The following MOB1B variants were observed in gnomAD, a reference collection of about 807,000 sequenced individuals.
The protein encoded by MOB1B is MOB1 Mps One Binder homolog B.
A neutral mutation model predicts 24.4 loss-of-function variants in MOB1B; 19 were observed. The observed-to-expected ratio is 0.78, with a 90% CI of 0.54 to 1.14. MOB1B has a LOEUF of 1.14. MOB1B is among the 50% of genes most tolerant of loss of function. MOB1B has a pLI of 0.00. For missense variants in MOB1B, 243 were observed against 259.6 expected, an observed-to-expected ratio of 0.94 and a Z score of 0.44; for synonymous variants, 76 against 82.1, an observed-to-expected ratio of 0.93 and a Z score of 0.40.
At chr4:70,934,678 A>T (rs1440325777) in intron 1 of MOB1B, among the ~76,000 whole-genome samples, 2 of 151,808 alleles carry the variant, frequency 1.3e-5, no homozygotes, top group Non-Finnish European at 1.5e-5. Context: ...CTGGTCTCGA[A>T]CTCCTAACCT....
intron 4 of MOB1B, 141 bp downstream of exon 4, chr4:70,975,427 A>G (rs1402639449): frequency 5.2e-6 from 7 of 1,352,960 alleles, no homozygotes; most frequent in South Asian, 2.0e-5. Context: ...GCAGTTCCCA[A>G]GAAGAGGCAC....
chr4:70,982,700 G>C lies in MOB1B; in HGVS notation c.*643G>C, dbSNP rs1739257166. On this transcript the variant is annotated 3_prime_UTR_variant, in exon 6 of 6. Transcript: ENST00000309395. ...ATGGTAATATATTACGTTCAACAAT[G>C]CTTAAAGCTCTACAAGCAGGTCTTT... The C allele has an allele frequency of 6.6e-6, 1 of 152,556 alleles. No homozygotes were observed. Among genetic ancestry groups the C allele is most frequent in the African/African-American group, 2.4e-5 (1 of 41,416 alleles). The allele number at this position is 152,556 out of a possible 1,614,324, so 9.5% of individuals were successfully genotyped here.
At chr4:70,959,750 C>G (rs1738223631) in intron 2 of MOB1B, among the ~76,000 whole-genome samples, 1 of 152,104 alleles carries the variant, frequency 6.6e-6, no homozygotes, top group African/African-American at 2.4e-5. Context: ...TTGCCTAGGT[C>G]ATATAGCTAT....
chr4:70,905,510 T>G (rs1169541778), intron 1 of MOB1B, among the ~76,000 whole-genome samples: 1 of 152,072 alleles, frequency 6.6e-6, no homozygotes, highest in Non-Finnish European at 1.5e-5. Flanking sequence ...TCCAAGATGC[T>G]GAGGTTACAG....
chr4:70,922,843 A>G (rs1361160628), intron 1 of MOB1B, among the ~76,000 whole-genome samples: 1 of 152,212 alleles, frequency 6.6e-6, no homozygotes, highest in Non-Finnish European at 1.5e-5. Flanking sequence ...ACATACGAAT[A>G]AATACATCTA....
intron 1 of MOB1B, among the ~76,000 whole-genome samples, chr4:70,936,328 T>A (rs1737082673): frequency 6.6e-6 from 1 of 152,316 alleles, no homozygotes; most frequent in South Asian, 2.1e-4. Context: ...ATTAAACTTT[T>A]CTTTGAACTG....
chr4:70,904,724 A>G (rs1735668816), intron 1 of MOB1B, among the ~76,000 whole-genome samples: 1 of 147,628 alleles, frequency 6.8e-6, no homozygotes, highest in Non-Finnish European at 1.5e-5. Flanking sequence ...GCGCCACTGC[A>G]CTCCAGCCTG....
chr4:70,951,874 C>CA (rs1360535166), intron 1 of MOB1B, among the ~76,000 whole-genome samples: 4 of 152,062 alleles, frequency 2.6e-5, no homozygotes, highest in Admixed American at 2.0e-4. Flanking sequence ...CTCAAACAAA[C>CA]AAAAAAACAA....
chr4:70,902,896 C>T (rs1407449765), intron 1 of MOB1B, among the ~76,000 whole-genome samples: 8 of 152,192 alleles, frequency 5.3e-5, no homozygotes, highest in African/African-American at 1.9e-4. Context: ...ATCTCCCACT[C>T]GCCTGCACAA....
intron 1 of MOB1B, among the ~76,000 whole-genome samples, chr4:70,937,040 C>T (rs1737111971): frequency 1.3e-5 from 2 of 151,998 alleles, no homozygotes; most frequent in African/African-American, 4.8e-5. Flanking sequence ...CCTCAGCCTC[C>T]CGAGTAGCTG....
intron 1 of MOB1B, among the ~76,000 whole-genome samples, chr4:70,908,115 T>TC (rs1255145812): frequency 1.3e-5 from 2 of 150,158 alleles, no homozygotes; most frequent in Non-Finnish European, 3.0e-5. Context: ...AACCTCCACC[T>TC]CCCGGGTTCA....
intron 1 of MOB1B, among the ~76,000 whole-genome samples, chr4:70,943,415 T>C (rs140173934): frequency 7.2e-5 from 11 of 152,348 alleles, no homozygotes; most frequent in African/African-American, 2.6e-4. Flanking sequence ...TTTAGCAAGA[T>C]TAGCTCACAT....
At chr4:70,961,434 T>C (rs775437010) in intron 2 of MOB1B, among the ~76,000 whole-genome samples, 1 of 152,186 alleles carries the variant, frequency 6.6e-6, no homozygotes, top group Non-Finnish European at 1.5e-5. Flanking sequence ...TTAAAACTTA[T>C]ATATTGTTTA....
At position 70,969,933 on chromosome 4, in the gene MOB1B, G is replaced by A. The variant is rs757025470; in HGVS notation, c.184G>A (p.Val62Met). 2.8e-5 allele frequency: 44 copies of A among 1,579,778 alleles called. 2 individuals carry two copies. In the South Asian group the frequency reaches 5.1e-4, roughly 18 times the overall value. Residue 62 changes from valine (V) to methionine (M), a missense_variant and splice_region_variant, in exon 3 of 6, where the codon GTG becomes ATG. Coordinates refer to ENST00000309395, the MANE Select transcript of MOB1B (RefSeq NM_173468.4). ...DLNEWVAVNT[V>M]DFFNQINMLY... The stretch of plus-strand genomic sequence containing the variant: ...TACAACTGATACTTGCTTTACAGCT[G>A]TGGATTTCTTCAATCAGATCAACAT...
At chr4:70,948,503 AACTT>A (rs1737676041) in intron 1 of MOB1B, among the ~76,000 whole-genome samples, 1 of 152,118 alleles carries the variant, frequency 6.6e-6, no homozygotes, top group Non-Finnish European at 1.5e-5. Flanking sequence ...GCTTAAGGAG[AACTT>A]CAGCTTCTCC....
intron 1 of MOB1B, chr4:70,942,822 G>A: frequency 1.1e-6 from 1 of 934,240 alleles, no homozygotes; most frequent in Non-Finnish European, 1.3e-6. Context: ...TTTGTCTGTA[G>A]AGAGAAGGTT....
At chr4:70,942,756 G>T in intron 1 of MOB1B, 1 of 470,392 alleles carries the variant, frequency 2.1e-6, no homozygotes, top group South Asian at 9.1e-5. Context: ...CTGTATCTGG[G>T]TTTATGAACA....
At chr4:70,916,200 T>G (rs1488515475) in intron 1 of MOB1B, among the ~76,000 whole-genome samples, 2 of 152,182 alleles carry the variant, frequency 1.3e-5, no homozygotes, top group African/African-American at 4.8e-5. Flanking sequence ...CTCACTTAGG[T>G]GAGAGTGTGA....
At chr4:70,950,445 A>AG (rs1369372745) in intron 1 of MOB1B, among the ~76,000 whole-genome samples, 1 of 151,634 alleles carries the variant, frequency 6.6e-6, no homozygotes, top group Non-Finnish European at 1.5e-5. Context: ...AAAAAAAAAA[A>AG]AAAAGAATGG....
Sources: allele counts gnomAD v4.1 joint callset (sites outside exome capture counted in the v4.1 genomes callset), GRCh38; gene constraint gnomAD v4.1.1; transcripts MANE v1.5; gene names NCBI Gene and HGNC (gene_info 2026-07-23, HGNC 2026-07-21).